COLQ: variants seen among roughly 807,000 people sequenced by gnomAD.
COLQ encodes the protein collagen like tail subunit of asymmetric acetylcholinesterase.
A neutral mutation model predicts 69.0 loss-of-function variants in COLQ; 48 were observed. The observed-to-expected ratio is 0.70, with a 90% CI of 0.55 to 0.88. The LOEUF is 0.88. Among genes scored for constraint, COLQ ranks in the 40% least tolerant of loss-of-function variants. COLQ has a pLI of 0.00. For synonymous variants in COLQ, 217 were observed against 211.2 expected (o/e 1.03, Z -0.24); for missense variants, 618 against 594.6 (o/e 1.04, Z -0.41).
At chr3:15,494,638 A>T (rs931619638) in intron 1 of COLQ, among the ~76,000 whole-genome samples, 2 of 152,076 alleles carry the variant, frequency 1.3e-5, no homozygotes, top group Non-Finnish European at 2.9e-5. Context: ...AGCCTCCACT[A>T]GATGCCGTCT....
At chr3:15,459,293 T>C (rs1285352613) in intron 12 of COLQ, among the ~76,000 whole-genome samples, 1 of 152,156 alleles carries the variant, frequency 6.6e-6, no homozygotes, top group East Asian at 1.9e-4. Context: ...GATCAGAAAG[T>C]GTACTCCCTA....
intron 1 of COLQ, among the ~76,000 whole-genome samples, chr3:15,513,581 A>T (rs902243998): frequency 6.6e-6 from 1 of 151,772 alleles, no homozygotes; most frequent in African/African-American, 2.4e-5. Context: ...TCCCGAACAC[A>T]CTCCATACTG....
intron 3 of COLQ, among the ~76,000 whole-genome samples, chr3:15,485,484 C>T (rs1469574796): frequency 6.6e-6 from 1 of 152,230 alleles, no homozygotes; most frequent in Non-Finnish European, 1.5e-5. Context: ...GGGCTATAGA[C>T]TGGAGCTCTT....
At chr3:15,521,387 G>A in intron 1 of COLQ, 133 bp downstream of exon 1, 1 of 1,169,644 alleles carries the variant, frequency 8.5e-7, no homozygotes, top group Non-Finnish European at 1.2e-6. Flanking sequence ...CTGCTGGGGT[G>A]GCCGTCTTCC....
intron 1 of COLQ, among the ~76,000 whole-genome samples, chr3:15,516,628 A>T (rs1330212436): frequency 2.6e-5 from 4 of 152,156 alleles, no homozygotes; most frequent in Non-Finnish European, 5.9e-5. Flanking sequence ...AAGGCTTGTG[A>T]AGTGGATTCC....
chr3:15,458,214 T>G lies in COLQ; in HGVS notation c.926A>C (p.Tyr309Ser). ...VNNPSYGESV[Y>S]GPSSPRVPVI... ...AGGAACTCGCGGGGAACTGGGCCCATACACAGATTCCCCGTAGGAAGGGTT... is the reference window on the plus strand; with the variant it reads ...AGGAACTCGCGGGGAACTGGGCCCAGACACAGATTCCCCGTAGGAAGGGTT... The change falls in exon 13 of 17, where the codon TAT becomes TCT. Residue 309 changes from tyrosine (Y) to serine (S), a missense_variant. Physicochemically the swap from Tyr to Ser is moderately radical, Grantham distance 144 (BLOSUM62 -2). Transcript: ENST00000383788. 6.2e-7 allele frequency: 1 copy of G among 1,613,980 alleles called. No individual in the cohort carries two copies. The highest frequency in any genetic ancestry group is 8.5e-7 in the Non-Finnish European group (1 of 1,179,996).
intron 1 of COLQ, among the ~76,000 whole-genome samples, chr3:15,497,067 G>A (rs1225188690): frequency 3.3e-5 from 4 of 120,066 alleles, no homozygotes; most frequent in African/African-American, 1.0e-4. Flanking sequence ...TTTTTGAGAC[G>A]AAGTCTCACT....
chr3:15,503,951 G>T (rs1169956359), intron 1 of COLQ, among the ~76,000 whole-genome samples: 1 of 152,026 alleles, frequency 6.6e-6, no homozygotes, highest in African/African-American at 2.4e-5. Flanking sequence ...CCAGAATCAC[G>T]TCTTTCCAAT....
chr3:15,487,582 A>G (rs1396779446), intron 3 of COLQ, among the ~76,000 whole-genome samples: 1 of 152,158 alleles, frequency 6.6e-6, no homozygotes, highest in Non-Finnish European at 1.5e-5. Context: ...TCTCCTCCCC[A>G]TGGAAGGCTC....
chr3:15,515,568 G>A (rs1193130238), intron 1 of COLQ, among the ~76,000 whole-genome samples: 1 of 152,182 alleles, frequency 6.6e-6, no homozygotes, highest in Non-Finnish European at 1.5e-5. Context: ...CCAGCACTTT[G>A]GGAGGCTGAG....
In COLQ at chr3:15,488,236, C is replaced by G. The variant is rs115201284; in HGVS notation, c.291G>C (p.Ser97=). 5 of 1,613,106 alleles carry G rather than the reference C, an allele frequency of 3.1e-6. No homozygotes were observed. Among genetic ancestry groups the G allele is most frequent in the Middle Eastern group, 1.7e-4 (1 of 6,058 alleles). Residue 97 remains serine (S), a synonymous_variant, in exon 3 of 17, where the codon TCG becomes TCC. Coordinates refer to ENST00000383788, the MANE Select transcript of COLQ (RefSeq NM_005677.4). The stretch of plus-strand genomic sequence containing the variant: ...GGCCGGGAGGCCCAGGGGAGCCTAG[C>G]GAGCCTTGCATGCACGGGGACTGCG... ...ETSQSPCMQG[S]LGSPGPPGPQ... is the part of the protein sequence containing the mutation.
Position 15,489,627 on chromosome 3 carries a change from G to T in COLQ, c.117C>A (p.Ser39Arg), listed in dbSNP as rs138891500. The T allele has an allele frequency of 1.5e-5, 25 of 1,613,884 alleles. No individual in the cohort carries two copies. The African/African-American group carries it at 3.2e-4, about 21-fold the overall frequency. ...GGCCACCACGCTTCTTCTGATCCAG[G>T]CTGGGAAGGGCTGTTCAGAGAAAAC... ...SVLPISAALPSLDQKKRGGHK... is the reference protein window; with the variant it reads ...SVLPISAALPRLDQKKRGGHK... Residue 39 changes from serine (S) to arginine (R), a missense_variant, in exon 2 of 17, where the codon AGC becomes AGA. Coordinates refer to ENST00000383788, the MANE Select transcript of COLQ (RefSeq NM_005677.4).
At chr3:15,460,393 AC>A (rs2062094742) in intron 12 of COLQ, among the ~76,000 whole-genome samples, 1 of 152,338 alleles carries the variant, frequency 6.6e-6, no homozygotes, top group African/African-American at 2.4e-5. Flanking sequence ...AAAGATGGGG[AC>A]TGAGAAGAGA....
chr3:15,499,637 CTT>C (rs1380487221), intron 1 of COLQ, among the ~76,000 whole-genome samples: 2 of 152,234 alleles, frequency 1.3e-5, no homozygotes, highest in East Asian at 3.8e-4. Flanking sequence ...AGAAAGGACA[CTT>C]ATGTTCATTC....
At chr3:15,508,717 C>CA (rs1211828243) in intron 1 of COLQ, among the ~76,000 whole-genome samples, 2 of 152,138 alleles carry the variant, frequency 1.3e-5, no homozygotes, top group African/African-American at 4.8e-5. Flanking sequence ...CACACACCTT[C>CA]ACCAACAGTC....
At chr3:15,488,552 G>A (rs572521987) in intron 2 of COLQ, among the ~76,000 whole-genome samples, 1 of 152,236 alleles carries the variant, frequency 6.6e-6, no homozygotes, top group East Asian at 1.9e-4. Flanking sequence ...GAGTTTGGAA[G>A]CTCATTTCAG....
chr3:15,494,649 C>T (rs889977643), intron 1 of COLQ, among the ~76,000 whole-genome samples: 14 of 152,098 alleles, frequency 9.2e-5, no homozygotes, highest in Non-Finnish European at 1.6e-4. Flanking sequence ...GATGCCGTCT[C>T]CACCAGGAAG....
At chr3:15,513,981 A>G (rs746145179) in intron 1 of COLQ, among the ~76,000 whole-genome samples, 3 of 152,178 alleles carry the variant, frequency 2.0e-5, no homozygotes, top group Non-Finnish European at 2.9e-5. Flanking sequence ...CAGGCAGAGG[A>G]CATTTGACAC....
chr3:15,521,399 T>C, intron 1 of COLQ, 121 bp downstream of exon 1: 2 of 1,375,752 alleles, frequency 1.5e-6, no homozygotes, highest in South Asian at 2.5e-5. Flanking sequence ...CCGTCTTCCT[T>C]CCAACCTCCC....
Sources: allele counts gnomAD v4.1 joint callset (sites outside exome capture counted in the v4.1 genomes callset), GRCh38; gene constraint gnomAD v4.1.1; transcripts MANE v1.5; gene names NCBI Gene and HGNC (gene_info 2026-07-23, HGNC 2026-07-21).